CHMP3: variants seen among roughly 807,000 people sequenced by gnomAD.
CHMP3 encodes 25.1 protein.
Under a neutral mutation model 27.4 loss-of-function variants are expected in CHMP3, and 8 were observed. The ratio of observed to expected loss-of-function variants is 0.29; its 90% CI spans 0.17 to 0.53. CHMP3 has a LOEUF of 0.53. Ranked by LOEUF, CHMP3 falls within the 20% of genes least tolerant of loss-of-function variation. CHMP3 has a pLI of 0.96. For synonymous variants in CHMP3, 86 were observed against 85.5 expected (o/e 1.01, Z -0.03); for missense variants, 208 against 271.5 (o/e 0.77, Z 1.64).
At chr2:86,550,163 G>A (rs1014918763) in intron 1 of CHMP3, among the ~76,000 whole-genome samples, 6 of 152,216 alleles carry the variant, frequency 3.9e-5, no homozygotes, top group African/African-American at 1.2e-4. Flanking sequence ...ACCACTTGAG[G>A]TCAGGAGCCG....
intron 2 of CHMP3, among the ~76,000 whole-genome samples, chr2:86,530,203 G>C (rs1337494232): frequency 6.6e-6 from 1 of 152,116 alleles, no homozygotes; most frequent in Non-Finnish European, 1.5e-5. Context: ...ATGTTGGCCA[G>C]GCTGGTCTCG....
At chr2:86,548,013 G>C (rs1480572640) in intron 1 of CHMP3, among the ~76,000 whole-genome samples, 1 of 152,122 alleles carries the variant, frequency 6.6e-6, no homozygotes, top group Non-Finnish European at 1.5e-5. Flanking sequence ...ACAATGCTGA[G>C]AGACAGCTTA....
At chr2:86,510,870 C>G (rs571088196) in intron 3 of CHMP3, 1 of 196,388 alleles carries the variant, frequency 5.1e-6, no homozygotes, top group South Asian at 8.9e-5. Flanking sequence ...GCAGAGCTCC[C>G]CACACACCAG....
chr2:86,521,206 C>A (rs1675511029), intron 3 of CHMP3, among the ~76,000 whole-genome samples: 1 of 152,128 alleles, frequency 6.6e-6, no homozygotes, highest in Admixed American at 6.5e-5. Flanking sequence ...TCTTTTTGGA[C>A]TCAGCCCACC....
chr2:86,546,068 G>C (rs1179916237), intron 1 of CHMP3, among the ~76,000 whole-genome samples: 2 of 152,210 alleles, frequency 1.3e-5, no homozygotes, highest in Non-Finnish European at 2.9e-5. Context: ...TCCAGCCTGG[G>C]CAACGTTGAG....
At chr2:86,520,459 G>A (rs1675480479) in intron 3 of CHMP3, among the ~76,000 whole-genome samples, 1 of 151,934 alleles carries the variant, frequency 6.6e-6, no homozygotes, top group African/African-American at 2.4e-5. Flanking sequence ...ACACCACTAG[G>A]GGGATGGTGC....
chr2:86,504,374 T>G lies in CHMP3; in HGVS notation c.*1430A>C, dbSNP rs1266923295. ...GGGCAGGGGATATATGAGAAATTTC[T>G]TTTTGTCCACTTTTGCTGTGAACCT... On this transcript the variant is annotated 3_prime_UTR_variant, in exon 6 of 6. Coordinates refer to ENST00000263856, the MANE Select transcript of CHMP3 (RefSeq NM_016079.4). The G allele has an allele frequency of 6.6e-6, 1 of 152,162 alleles. No individual in the cohort carries two copies. Among genetic ancestry groups the G allele is most frequent in the Non-Finnish European group, 1.5e-5 (1 of 68,040 alleles). The allele number at this position is 152,162 out of a possible 1,614,324, so 9.4% of individuals were successfully genotyped here. A position where few individuals can be genotyped will look rare whatever the true frequency, so the allele number is the denominator to read the frequency against.
At chr2:86,557,692 C>T (rs1039438938) in intron 1 of CHMP3, among the ~76,000 whole-genome samples, 1 of 152,190 alleles carries the variant, frequency 6.6e-6, no homozygotes, top group Admixed American at 6.5e-5. Flanking sequence ...CCTCCCCTTT[C>T]CTGATCCTAT....
In CHMP3 at chr2:86,507,483, T is replaced by C; in HGVS notation, c.519A>G (p.Thr173=). 2 of 1,613,842 alleles carry C rather than the reference T, an allele frequency of 1.2e-6. No individual in the cohort carries two copies. Among genetic ancestry groups the C allele is most frequent in the East Asian group, 2.2e-5 (1 of 44,878 alleles). The change falls in exon 5 of 6, where the codon ACA becomes ACG. Residue 173 remains threonine, a synonymous_variant. Coordinates refer to ENST00000263856, the MANE Select transcript of CHMP3 (RefSeq NM_016079.4). ...GGATGGATCTCACGGTCATACCTGC[T>C]GTAATTTCAAAGAGAATTCTGTCAA... ...MEIDRILFEI[T]AGALGKAPSK... is the part of the protein sequence containing the mutation.
intron 1 of CHMP3, among the ~76,000 whole-genome samples, chr2:86,544,817 A>G (rs1676501651): frequency 6.6e-6 from 1 of 152,276 alleles, no homozygotes; most frequent in Middle Eastern, 3.4e-3. Flanking sequence ...CAAAACTGCC[A>G]TCGTCATCAT....
Position 86,505,806 on chromosome 2 carries a change from A to G in CHMP3, c.667T>C (p.Ter223GlnextTer28). ...MQSRLATLRS[*>Q] ...ACACCCAGCGGGGTAGGCAGCCCCT[A>G]GCTGCGGAGTGTGGCCAGCCGGGAC... Residue 223 changes from the stop codon to glutamine, a stop_lost, in exon 6 of 6, where the codon TAG becomes CAG. Coordinates refer to ENST00000263856, the MANE Select transcript of CHMP3 (RefSeq NM_016079.4). 6.3e-7 allele frequency: 1 copy of G among 1,581,316 alleles called. No homozygotes were observed. The highest frequency in any genetic ancestry group is 8.6e-7 in the Non-Finnish European group (1 of 1,163,184).
chr2:86,536,502 C>T (rs1273162475), intron 2 of CHMP3, among the ~76,000 whole-genome samples: 2 of 151,426 alleles, frequency 1.3e-5, no homozygotes, highest in Non-Finnish European at 2.9e-5. Context: ...GGTTGATAGG[C>T]CTTTTCTTTC....
intron 2 of CHMP3, among the ~76,000 whole-genome samples, chr2:86,535,558 C>T (rs1205315782): frequency 2.0e-5 from 3 of 152,164 alleles, no homozygotes; most frequent in Non-Finnish European, 4.4e-5. Flanking sequence ...GGCTAGAGTG[C>T]AGTGGCATCA....
intron 3 of CHMP3, chr2:86,510,811 C>A: frequency 4.0e-6 from 1 of 252,498 alleles, no homozygotes; most frequent in Non-Finnish European, 7.7e-6. Flanking sequence ...AGAAAGAGCT[C>A]CAGACCTTGT....
At chr2:86,544,847 C>G (rs1024191125) in intron 1 of CHMP3, among the ~76,000 whole-genome samples, 4 of 152,236 alleles carry the variant, frequency 2.6e-5, no homozygotes, top group African/African-American at 9.6e-5. Flanking sequence ...TTGATGGTTG[C>G]TGTCTCTTCG....
chr2:86,509,141 AT>A (rs1284861402), intron 4 of CHMP3, among the ~76,000 whole-genome samples: 1 of 152,150 alleles, frequency 6.6e-6, no homozygotes, highest in African/African-American at 2.4e-5. Flanking sequence ...CCAAATCTGT[AT>A]TACTCCCAGT....
At chr2:86,541,917 GTCC>G (rs2103984009) in intron 2 of CHMP3, among the ~76,000 whole-genome samples, 1 of 152,164 alleles carries the variant, frequency 6.6e-6, no homozygotes, top group Non-Finnish European at 1.5e-5. Flanking sequence ...TAAACATACT[GTCC>G]TCAATTTACA....
At position 86,507,496 on chromosome 2, in the gene CHMP3, A is replaced by G; in HGVS notation, c.506T>C (p.Leu169Pro). 6.2e-7 allele frequency: 1 copy of G among 1,614,154 alleles called. No individual in the cohort carries two copies. The highest frequency in any genetic ancestry group is 8.5e-7 in the Non-Finnish European group (1 of 1,179,988). ...EEAEMEIDRI[L>P]FEITAGALGK... ...GGTCATACCTGCTGTAATTTCAAAG[A>G]GAATTCTGTCAATTTCCATTTCTGC... Residue 169 changes from leucine to proline, a missense_variant, in exon 5 of 6, where the codon CTC (leucine) becomes CCC (proline). Physicochemically the swap from Leu to Pro is moderately conservative, Grantham distance 98. This residue lies in a region of CHMP3 where 62 missense variants were observed against 68.4 expected (regional missense o/e 0.91). Coordinates refer to ENST00000263856, the MANE Select transcript of CHMP3 (RefSeq NM_016079.4).
intron 3 of CHMP3, among the ~76,000 whole-genome samples, chr2:86,522,681 T>C (rs1280251612): frequency 6.6e-6 from 1 of 152,176 alleles, no homozygotes; most frequent in Non-Finnish European, 1.5e-5. Context: ...TACTCCATTC[T>C]CACTAGACTA....
Sources: gnomAD v4.1 joint callset for allele counts (sites outside exome capture counted in the v4.1 genomes callset) on GRCh38, gnomAD v4.1.1 for gene constraint, gnomAD v4.1.1 regional missense constraint, MANE v1.5 for transcripts, NCBI Gene and HGNC (gene_info 2026-07-23, HGNC 2026-07-21) for gene names.